XRCC6: variants seen among roughly 807,000 people sequenced by gnomAD.
XRCC6 encodes the protein DNA repair protein Ku70.
A neutral mutation model predicts 65.7 loss-of-function variants in XRCC6; 5 were observed. The observed-to-expected ratio is 0.08, with a 90% CI of 0.04 to 0.16. The LOEUF (loss-of-function observed/expected upper bound fraction) is 0.16, where lower values mean the gene tolerates loss of function less well. XRCC6 is among the 10% of genes least tolerant of loss of function. The pLI is 1.00. For missense variants in XRCC6, 447 were observed against 738.1 expected, an observed-to-expected ratio of 0.61 and a Z score of 4.57; for synonymous variants, 270 against 270.6, an observed-to-expected ratio of 1.00 and a Z score of 0.02.
intron 2 of XRCC6, among the ~76,000 whole-genome samples, chr22:41,624,021 C>T (rs2067641192): frequency 6.6e-6 from 1 of 151,334 alleles, no homozygotes; most frequent in African/African-American, 2.4e-5. Flanking sequence ...CTGTGCGTGG[C>T]CTATAGCTCA....
chr22:41,660,159 G>A (rs28384778), intron 11 of XRCC6, among the ~76,000 whole-genome samples: 7,875 of 152,254 alleles, frequency 0.052, 465 homozygotes, highest in African/African-American at 0.13. Context: ...TGGCAAATAC[G>A]GGCATGTGAG....
chr22:41,649,160 A>ATATATATATATATATATATATATGTATG (rs1376197191), intron 7 of XRCC6, among the ~76,000 whole-genome samples: 8 of 125,840 alleles, frequency 6.4e-5, no homozygotes, highest in African/African-American at 2.9e-4. Context: ...ATATATATAT[A>ATATATATATATATATATATATATGTATG]TATGTATGTA....
At chr22:41,661,771 A>C (rs565841035) in intron 12 of XRCC6, 1 of 210,162 alleles carries the variant, frequency 4.8e-6, no homozygotes, top group South Asian at 9.0e-5. Context: ...AGATCAATAT[A>C]TCAAAGAGAT....
chr22:41,631,082 G>A (rs62236539), intron 3 of XRCC6, among the ~76,000 whole-genome samples: 1 of 141,642 alleles, frequency 7.1e-6, no homozygotes, highest in African/African-American at 2.9e-5. Flanking sequence ...GCTGCTGGCC[G>A]GGTGGGGGGA....
intron 12 of XRCC6, among the ~76,000 whole-genome samples, chr22:41,663,301 G>C (rs2068116191): frequency 6.6e-6 from 1 of 152,104 alleles, no homozygotes; most frequent in Non-Finnish European, 1.5e-5. Context: ...GGGTCTCACT[G>C]TATTACCAAG....
rs1473944202 is a variant in XRCC6, at chr22:41,657,156, A to G, written c.1421+124A>G. ...GCAAACTGACAGATTACTACTTGTT[A>G]TTAATAGTTTTTTGAAAGCCATATA... On this transcript the variant is annotated intron_variant, in intron 10 of 12. Coordinates refer to ENST00000360079, the MANE Select transcript of XRCC6 (RefSeq NM_001469.5). 4 of 1,226,998 alleles carry G rather than the reference A, an allele frequency of 3.3e-6. 1 individual carries two copies. In the Admixed American group the frequency reaches 1.4e-4, roughly 42 times the overall value. 76.0% of individuals were successfully genotyped at this position (1,226,998 alleles called of 1,614,324 possible).
At chr22:41,658,687 G>T (rs1055517477) in intron 11 of XRCC6, among the ~76,000 whole-genome samples, 1 of 152,182 alleles carries the variant, frequency 6.6e-6, no homozygotes, top group Non-Finnish European at 1.5e-5. Flanking sequence ...AGGCCGAGGC[G>T]GGTGGATCAC....
intron 6 of XRCC6, among the ~76,000 whole-genome samples, chr22:41,644,189 G>C (rs1311598823): frequency 6.6e-6 from 1 of 152,044 alleles, no homozygotes; most frequent in Non-Finnish European, 1.5e-5. Context: ...TTTCTTCTTG[G>C]GTTTTTTATA....
At chr22:41,658,868 C>G (rs2068072128) in intron 11 of XRCC6, among the ~76,000 whole-genome samples, 1 of 152,150 alleles carries the variant, frequency 6.6e-6, no homozygotes, top group South Asian at 2.1e-4. Flanking sequence ...GAGGCAGAGG[C>G]TGCAATGAGC....
chr22:41,647,033 A>G lies in XRCC6; in HGVS notation c.911A>G (p.Asn304Ser), dbSNP rs766906979. The G allele has an allele frequency of 6.2e-6, 10 of 1,614,110 alleles. No individual in the cohort carries two copies. The highest frequency in any genetic ancestry group is 8.5e-6 in the Non-Finnish European group (10 of 1,180,062). ...EPVKTKTRTF[N>S]TSTGGLLLPS... is the part of the protein sequence containing the mutation. ...GTGAAAACCAAGACCCGGACCTTTA[A>G]TACAAGTACAGGCGGTTTGCTTCTG... The change falls in exon 7 of 13, where the codon AAT becomes AGT. Residue 304 changes from asparagine to serine, a missense_variant. Around this residue, in one of 4 missense-constraint regions of XRCC6, gnomAD observed 201 missense variants for 374.1 expected, o/e 0.54. Coordinates refer to ENST00000360079, the MANE Select transcript of XRCC6 (RefSeq NM_001469.5).
At chr22:41,651,170 C>T (rs887681251) in intron 8 of XRCC6, among the ~76,000 whole-genome samples, 2 of 151,932 alleles carry the variant, frequency 1.3e-5, no homozygotes, top group African/African-American at 4.8e-5. Context: ...TGGTGGCTTG[C>T]GCCTGTGATC....
Position 41,636,621 on chromosome 22 carries a change from T to A in XRCC6, c.440T>A (p.Leu147Gln), listed in dbSNP as rs2067812671. Residue 147 changes from leucine to glutamine, a missense_variant, in exon 5 of 13, where the codon CTG becomes CAG. Leu to Gln is a moderately radical substitution (Grantham distance 113, BLOSUM62 -2). Transcript: ENST00000360079. ...HGSDYSLSEV[L>Q]WVCANLFSDV... ...TCTGACTACTCACTCAGTGAAGTGC[T>A]GTGGGTCTGTGCCAACCTCTTTAGT... 1.2e-6 allele frequency: 2 copies of A among 1,613,992 alleles called. No homozygotes were observed. The highest frequency in any genetic ancestry group is 1.7e-5 in the Admixed American group (1 of 59,972).
rs2067612168 is a variant in XRCC6, at chr22:41,621,979, C to CT, written c.-15-8dup. The CT allele has an allele frequency of 2.5e-6, 4 of 1,613,842 alleles. No homozygotes were observed. The highest frequency in any genetic ancestry group is 3.4e-6 in the Non-Finnish European group (4 of 1,179,726). On this transcript the variant is annotated splice_polypyrimidine_tract_variant and intron_variant, in intron 1 of 12. Transcript: ENST00000360079. ...ATTTGCCTGTTACTGACGTTAACGT[C>CT]TTTCGCCTAGTGAGCAGTAGCCAAC... is the stretch of plus-strand genomic sequence containing the variant.
intron 11 of XRCC6, among the ~76,000 whole-genome samples, chr22:41,661,074 C>G (rs1043419445): frequency 3.9e-5 from 6 of 152,012 alleles, no homozygotes; most frequent in South Asian, 2.1e-4. Context: ...ACAAATTTAC[C>G]TATCCTATAG....
At chr22:41,658,993 G>A (rs1166497475) in intron 11 of XRCC6, among the ~76,000 whole-genome samples, 1 of 152,112 alleles carries the variant, frequency 6.6e-6, no homozygotes, top group African/African-American at 2.4e-5. Flanking sequence ...GTGGATTTGG[G>A]TTTAGAATCC....
At chr22:41,659,115 A>G (rs1287156511) in intron 11 of XRCC6, among the ~76,000 whole-genome samples, 6 of 152,280 alleles carry the variant, frequency 3.9e-5, no homozygotes, top group Non-Finnish European at 1.5e-5. Context: ...TTGTATTTTT[A>G]GTAGAGACGG....
Position 41,642,451 on chromosome 22 carries a change from C to G in XRCC6, c.774-4445C>G, listed in dbSNP as rs75557287. ...CCTTTGTTGTGCAGAAGCTTTTTAA[C>G]TTGATGTGATCCTATTTGTCCGTTT... is the stretch of plus-strand genomic sequence containing the variant. On this transcript the variant is annotated intron_variant, in intron 6 of 12. Coordinates refer to ENST00000360079, the MANE Select transcript of XRCC6 (RefSeq NM_001469.5). 7.3e-3 allele frequency among the ~76,000 whole-genome samples: 1,106 copies of G among 151,994 alleles called. 19 individuals are homozygous for G. The highest frequency in any genetic ancestry group is 0.026 in the African/African-American group (1,058 of 41,476).
chr22:41,633,243 C>T (rs980132384), intron 3 of XRCC6, among the ~76,000 whole-genome samples: 6 of 152,166 alleles, frequency 3.9e-5, no homozygotes, highest in Non-Finnish European at 4.4e-5. Flanking sequence ...GACTACAGAA[C>T]CTTGCCCCAC....
chr22:41,630,384 T>C (rs1021833941), intron 3 of XRCC6, among the ~76,000 whole-genome samples: 1 of 151,956 alleles, frequency 6.6e-6, no homozygotes, highest in Non-Finnish European at 1.5e-5. Context: ...TGGCTGGGGT[T>C]AAGGCATGTG....
Sources: gnomAD v4.1 joint callset for allele counts (sites outside exome capture counted in the v4.1 genomes callset) on GRCh38, gnomAD v4.1.1 for gene constraint, gnomAD v4.1.1 regional missense constraint, MANE v1.5 for transcripts, NCBI Gene and HGNC (gene_info 2026-07-23, HGNC 2026-07-21) for gene names.